Variants in PTPRM observed in about 807,000 individuals in gnomAD.
PTPRM encodes protein tyrosine phosphatase receptor type M.
In PTPRM, 47 loss-of-function variants were observed where a neutral mutation model predicts 186.7. The observed-to-expected ratio is 0.25, with a 90% confidence interval of 0.20 to 0.32. The LOEUF (loss-of-function observed/expected upper bound fraction) is 0.32, where lower values mean the gene tolerates loss of function less well. Ranked by LOEUF, PTPRM falls within the 10% of genes least tolerant of loss-of-function variation. The pLI, the probability that PTPRM is intolerant of heterozygous loss-of-function variation, is 1.00. For missense variants in PTPRM, 1,494 were observed against 1,865.0 expected, an observed-to-expected ratio of 0.80 and a Z score of 3.66; for synonymous variants, 668 against 674.9, an observed-to-expected ratio of 0.99 and a Z score of 0.16.
intron 13 of PTPRM, among the ~76,000 whole-genome samples, chr18:8,122,802 AG>A: frequency 6.6e-6 from 1 of 152,288 alleles, no homozygotes; most frequent in Middle Eastern, 3.4e-3. Flanking sequence ...AGCCCCCCAA[AG>A]GTGTTTAGGG....
At chr18:7,937,377 T>G (rs1332415094) in intron 5 of PTPRM, among the ~76,000 whole-genome samples, 1 of 152,208 alleles carries the variant, frequency 6.6e-6, no homozygotes, top group Non-Finnish European at 1.5e-5. Flanking sequence ...GGAAGCTGCT[T>G]GCAGGGAGCT....
chr18:8,255,612 C>G (rs976052244), intron 19 of PTPRM, among the ~76,000 whole-genome samples: 4 of 151,798 alleles, frequency 2.6e-5, no homozygotes, highest in South Asian at 2.1e-4. Context: ...AACCCTAAAG[C>G]CATTGTTCAT....
chr18:8,008,388 G>A (rs1426371671), intron 7 of PTPRM, among the ~76,000 whole-genome samples: 1 of 152,164 alleles, frequency 6.6e-6, no homozygotes, highest in Non-Finnish European at 1.5e-5. Flanking sequence ...TGATCTTTCA[G>A]CTTAAAAATC....
intron 1 of PTPRM, among the ~76,000 whole-genome samples, chr18:7,698,751 C>T (rs999126565): frequency 3.9e-5 from 6 of 152,176 alleles, no homozygotes; most frequent in African/African-American, 9.7e-5. Flanking sequence ...GCACATACTA[C>T]TAACACTTGG....
At chr18:8,370,856 T>C in intron 23 of PTPRM, 34 bp from the exon 24 acceptor site, 3 of 1,428,814 alleles carry the variant, frequency 2.1e-6, no homozygotes, top group South Asian at 1.3e-5. Flanking sequence ...AAAACCAAAC[T>C]GTAAACCCAT....
intron 1 of PTPRM, among the ~76,000 whole-genome samples, chr18:7,736,678 T>C (rs2040777323): frequency 6.6e-6 from 1 of 152,204 alleles, no homozygotes; most frequent in Admixed American, 6.5e-5. Context: ...CTGCATGCTC[T>C]GGTGGTCAGA....
chr18:8,131,445 A>G (rs1321520215), intron 13 of PTPRM, among the ~76,000 whole-genome samples: 1 of 152,176 alleles, frequency 6.6e-6, no homozygotes. Flanking sequence ...AAATACAGCT[A>G]TTTTATTTCA....
chr18:7,885,979 G>A (rs567251195), intron 2 of PTPRM, among the ~76,000 whole-genome samples: 1 of 152,338 alleles, frequency 6.6e-6, no homozygotes, highest in South Asian at 2.1e-4. Context: ...GCCGTCCTGT[G>A]TATATTGCCG....
At chr18:8,225,091 G>T (rs1293052761) in intron 14 of PTPRM, among the ~76,000 whole-genome samples, 2 of 152,116 alleles carry the variant, frequency 1.3e-5, no homozygotes, top group African/African-American at 4.8e-5. Context: ...TTTCAAAATG[G>T]TGACATCTTA....
rs73939456 is a variant in PTPRM at position 8,370,436 on chromosome 18, T to G, written c.3055-454T>G. 4.2e-3 allele frequency among the ~76,000 whole-genome samples: 640 copies of G among 152,336 alleles called. 5 individuals carry two copies. Among genetic ancestry groups the G allele is most frequent in the African/African-American group, 0.015 (609 of 41,572 alleles). On this transcript the variant is annotated intron_variant, in intron 23 of 32. Transcript: ENST00000580170. ...TTGGGAAAATGACTTAGCTACTTCC[T>G]TCAGAAAAAATATAATTCTAATCTT...
chr18:8,336,945 C>T (rs1230897553), intron 22 of PTPRM, among the ~76,000 whole-genome samples: 1 of 152,002 alleles, frequency 6.6e-6, no homozygotes, highest in Non-Finnish European at 1.5e-5. Flanking sequence ...CCACTGCACT[C>T]CAGCCTGGCA....
At chr18:7,737,712 G>A (rs1252791264) in intron 1 of PTPRM, among the ~76,000 whole-genome samples, 3 of 152,196 alleles carry the variant, frequency 2.0e-5, no homozygotes, top group African/African-American at 7.2e-5. Context: ...GCAGTTTCCT[G>A]TACTAGCCCT....
chr18:8,128,441 C>T (rs994233523), intron 13 of PTPRM, among the ~76,000 whole-genome samples: 1 of 152,092 alleles, frequency 6.6e-6, no homozygotes, highest in Non-Finnish European at 1.5e-5. Context: ...TCAAGGGCTG[C>T]TTGAGGATTC....
intron 1 of PTPRM, among the ~76,000 whole-genome samples, chr18:7,573,964 C>G (rs2036624175): frequency 6.6e-6 from 1 of 152,156 alleles, no homozygotes; most frequent in Non-Finnish European, 1.5e-5. Flanking sequence ...GTTAGACTTG[C>G]AACCCTCTGA....
At chr18:7,653,558 G>A (rs1291347125) in intron 1 of PTPRM, among the ~76,000 whole-genome samples, 1 of 152,010 alleles carries the variant, frequency 6.6e-6, no homozygotes, top group Admixed American at 6.6e-5. Context: ...CCTTATCAGT[G>A]AGAACATGTT....
At position 7,978,071 on chromosome 18, in the gene PTPRM, C is replaced by T. The variant is rs562072787; in HGVS notation, c.1132+22657C>T. On this transcript the variant is annotated intron_variant, in intron 7 of 32. Transcript: ENST00000580170. Reference sequence around the variant, plus strand: ...CCTGGCAAGGCCACTGTTACCAACACCCTCTGATAACTGGTGCCTGCTCCT... The same window carrying T: ...CCTGGCAAGGCCACTGTTACCAACATCCTCTGATAACTGGTGCCTGCTCCT... Among the ~76,000 whole-genome samples, 3 of 152,330 alleles carry T rather than the reference C, an allele frequency of 2.0e-5. No homozygotes were observed. The South Asian group carries it at 6.2e-4, about 32-fold the overall frequency.
At chr18:7,941,343 T>G (rs1444738291) in intron 5 of PTPRM, among the ~76,000 whole-genome samples, 1 of 152,212 alleles carries the variant, frequency 6.6e-6, no homozygotes, top group East Asian at 1.9e-4. Flanking sequence ...AGATACTTCA[T>G]TAATACAACT....
In PTPRM at chr18:7,984,991, A is replaced by T. The variant is rs555930591; in HGVS notation, c.1132+29577A>T. Among the ~76,000 whole-genome samples, 247 of 126,130 alleles carry T rather than the reference A, an allele frequency of 2.0e-3. 2 individuals are homozygous for T. The highest frequency in any genetic ancestry group is 7.6e-3 in the African/African-American group (238 of 31,456). The allele number at this position is 126,130 out of a possible 152,430, so 82.7% of individuals were successfully genotyped here. ...TATAATTATATATACATATAATTAT[A>T]TACATATAATTGTATATACATATAA... On this transcript the variant is annotated intron_variant, in intron 7 of 32. Transcript: ENST00000580170.
intron 14 of PTPRM, among the ~76,000 whole-genome samples, chr18:8,192,576 TA>T (rs2093723358): frequency 6.6e-6 from 1 of 152,144 alleles, no homozygotes; most frequent in Non-Finnish European, 1.5e-5. Flanking sequence ...AATTTTTTAA[TA>T]AATATATGCA....
Sources: allele counts gnomAD v4.1 joint callset (sites outside exome capture counted in the v4.1 genomes callset), GRCh38; gene constraint gnomAD v4.1.1; transcripts MANE v1.5; gene names NCBI Gene and HGNC (gene_info 2026-07-23, HGNC 2026-07-21).